ZNF394: variants seen among roughly 807,000 people sequenced by gnomAD.
ZNF394 encodes the protein zinc finger protein 394.
ZNF394 carries 19 observed loss-of-function variants against 21.8 expected under a neutral mutation model. The observed-to-expected ratio is 0.87, with a 90% CI of 0.61 to 1.28. The LOEUF is 1.28. Ranked by LOEUF, ZNF394 falls within the 50% of genes most tolerant of loss-of-function variation. The pLI is 0.00. For missense variants in ZNF394, 683 were observed against 708.6 expected (o/e 0.96, Z 0.41); for synonymous variants, 294 against 273.3 (o/e 1.08, Z -0.75).
downstream of ZNF394, among the ~76,000 whole-genome samples, chr7:99,490,186 GCT>G (rs776628107): frequency 3.6e-4 from 45 of 123,614 alleles, no homozygotes; most frequent in Non-Finnish European, 4.8e-4. Context: ...GGCGAGTCTC[GCT>G]CTGTTTTCCA....
At chr7:99,497,087 C>CGT (rs201206255) in intron 2 of ZNF394, among the ~76,000 whole-genome samples, 5,221 of 94,612 alleles carry the variant, frequency 0.055, 165 homozygotes, top group South Asian at 0.088. Context: ...TACATACATA[C>CGT]GTGTGTGTGT....
At chr7:99,492,090 A>G (rs901405748), downstream of ZNF394, among the ~76,000 whole-genome samples, 6 of 151,710 alleles carry the variant, frequency 4.0e-5, no homozygotes, top group Admixed American at 1.3e-4. Context: ...AAAAAAAAAA[A>G]AAAAGAAATC....
downstream of ZNF394, among the ~76,000 whole-genome samples, chr7:99,491,759 G>GAGCA (rs540866996): frequency 7.9e-5 from 9 of 113,330 alleles, no homozygotes; most frequent in African/African-American, 2.6e-4. Context: ...CTGGGCGACA[G>GAGCA]AGAATCTGTC....
downstream of ZNF394, among the ~76,000 whole-genome samples, chr7:99,492,432 GAGTTCACCAC>G (rs1379469485): frequency 6.6e-6 from 1 of 151,896 alleles, no homozygotes; most frequent in African/African-American, 2.4e-5. Flanking sequence ...CTGAGCTTAG[GAGTTCACCAC>G]CAGCCTAGGC....
intron 1 of ZNF394, among the ~76,000 whole-genome samples, chr7:99,488,074 A>AC (rs1340143542): frequency 1.7e-5 from 2 of 115,956 alleles, no homozygotes; most frequent in African/African-American, 7.6e-5. Flanking sequence ...TCCGTCTCAA[A>AC]AAAAAAAAAA....
At chr7:99,496,728 AT>A (rs1562894393) in intron 2 of ZNF394, among the ~76,000 whole-genome samples, 1 of 150,932 alleles carries the variant, frequency 6.6e-6, no homozygotes, top group Non-Finnish European at 1.5e-5. Flanking sequence ...ATGTATTACT[AT>A]TTTTTTTATT....
Position 99,494,500 on chromosome 7 carries a change from G to A in ZNF394, c.715C>T (p.His239Tyr). ...RPLFSKCGST[H>Y]EDRVEKQSGD... is the part of the protein sequence containing the mutation. ...GACTGCTTTTCCACCCTGTCCTCAT[G>A]GGTACTGCCACACTTAGAAAACAGG... The change falls in exon 3 of 3, where the codon CAT (histidine) becomes TAT (tyrosine). Residue 239 changes from histidine to tyrosine, a missense_variant. Transcript: ENST00000337673. 1 of 1,613,804 alleles carries A rather than the reference G, an allele frequency of 6.2e-7. No homozygotes were observed. The highest frequency in any genetic ancestry group is 8.5e-7 in the Non-Finnish European group (1 of 1,180,036).
rs148228058 is a variant in ZNF394, at chr7:99,493,850, G to A, written c.1365C>T (p.Asn455=). 7 of 1,614,086 alleles carry A rather than the reference G, an allele frequency of 4.3e-6. No homozygotes were observed. Among genetic ancestry groups the A allele is most frequent in the East Asian group, 4.5e-5 (2 of 44,878 alleles). ...TATGTAGTCTCTGATGTCTAAAAAG[G>A]TTGGAAATATGACAGGTTTCCCCGC... The part of the protein sequence containing the change: ...EECGETCHIS[N]LFRHQRLHKG... The change falls in exon 3 of 3, where the codon AAC becomes AAT. Residue 455 remains asparagine, a synonymous_variant. Coordinates refer to ENST00000337673, the MANE Select transcript of ZNF394 (RefSeq NM_032164.4).
At position 99,493,972 on chromosome 7, in the gene ZNF394, T is replaced by C. The variant is rs1800224909; in HGVS notation, c.1243A>G (p.Thr415Ala). 1 of 1,614,242 alleles carries C rather than the reference T, an allele frequency of 6.2e-7. No individual in the cohort carries two copies. Among genetic ancestry groups the C allele is most frequent in the Non-Finnish European group, 8.5e-7 (1 of 1,180,054 alleles). The stretch of plus-strand genomic sequence containing the variant: ...AAGCGCTCCCCACATTTCAGACAGG[T>C]GTACGGCTTCTCGCCTGTGTGTGTC... ...QRTHTGEKPY[T>A]CLKCGERFRQ... Residue 415 changes from threonine (T) to alanine (A), a missense_variant, in exon 3 of 3, where the codon ACC becomes GCC. Thr to Ala is a moderately conservative substitution (Grantham distance 58). Transcript: ENST00000337673.
At chr7:99,498,665 G>C in intron 2 of ZNF394, 51 bp downstream of exon 2, 1 of 1,611,090 alleles carries the variant, frequency 6.2e-7, no homozygotes, top group African/African-American at 1.3e-5. Context: ...TAGTGAACCA[G>C]CCCTTCACAA....
chr7:99,492,009 T>C (rs1428487923), downstream of ZNF394, among the ~76,000 whole-genome samples: 2 of 134,116 alleles, frequency 1.5e-5, no homozygotes, highest in South Asian at 4.7e-4. Flanking sequence ...GGAGGTGGAG[T>C]TTGTAGTGAG....
At chr7:99,499,072 G>T (rs577336463) in intron 1 of ZNF394, among the ~76,000 whole-genome samples, 5 of 152,148 alleles carry the variant, frequency 3.3e-5, no homozygotes, top group African/African-American at 1.2e-4. Context: ...ATGGAAATAT[G>T]ATACAGATTA....
chr7:99,499,394 A>G (rs1276225535), intron 1 of ZNF394, among the ~76,000 whole-genome samples: 1 of 149,874 alleles, frequency 6.7e-6, no homozygotes, highest in Non-Finnish European at 1.5e-5. Flanking sequence ...AGCAAGAACA[A>G]CAAGAAAAAA....
chr7:99,494,178 A>G lies in ZNF394; in HGVS notation c.1037T>C (p.Phe346Ser). The change falls in exon 3 of 3, where the codon TTT becomes TCT. Residue 346 changes from phenylalanine (F) to serine (S), a missense_variant. By Grantham distance (155) the Phe-to-Ser change is radical. Coordinates refer to ENST00000337673, the MANE Select transcript of ZNF394 (RefSeq NM_032164.4). ...TTCATGGAGCTGCCTCTGGGTCTCA[A>G]AAAGGCTGGAATGATGGAAACTGTC... ...SGDSFHHSSL[F>S]ETQRQLHEER... The G allele has an allele frequency of 1.9e-6, 3 of 1,614,250 alleles. No homozygotes were observed. Among genetic ancestry groups the G allele is most frequent in the Middle Eastern group, 1.6e-4 (1 of 6,062 alleles).
chr7:99,489,865 C>T (rs1312447953), downstream of ZNF394, among the ~76,000 whole-genome samples: 10 of 152,078 alleles, frequency 6.6e-5, no homozygotes, highest in South Asian at 2.1e-4. Context: ...ATTTGCCGGG[C>T]GTGGTGGTGG....
At chr7:99,490,905 T>C (rs1800148085), downstream of ZNF394, among the ~76,000 whole-genome samples, 1 of 151,930 alleles carries the variant, frequency 6.6e-6, no homozygotes, top group Non-Finnish European at 1.5e-5. Context: ...CACTCTTCAG[T>C]TTCCAAACAG....
rs1051165037 is a variant in ZNF394, at chr7:99,500,101, C to T, written c.-8G>A. 1.1e-5 allele frequency: 17 copies of T among 1,535,474 alleles called. No individual in the cohort carries two copies. Among genetic ancestry groups the T allele is most frequent in the Middle Eastern group, 1.7e-4 (1 of 5,728 alleles). ...GGTCAAGCTGGAATTCATCTTTCTCCGGCATGTGCTGCCCTTCCTGGAGTC... is the reference window on the plus strand; with the variant it reads ...GGTCAAGCTGGAATTCATCTTTCTCTGGCATGTGCTGCCCTTCCTGGAGTC... On this transcript the variant is annotated 5_prime_UTR_variant, in exon 1 of 3. Coordinates refer to ENST00000337673, the MANE Select transcript of ZNF394 (RefSeq NM_032164.4).
chr7:99,487,847 C>T (rs1292860714), intron 1 of ZNF394, among the ~76,000 whole-genome samples: 3 of 151,004 alleles, frequency 2.0e-5, no homozygotes, highest in Non-Finnish European at 4.4e-5. Flanking sequence ...CCGAGGTGGG[C>T]GGATCACGAG....
At position 99,493,889 on chromosome 7, in the gene ZNF394, A is replaced by T; in HGVS notation, c.1326T>A (p.Phe442Leu). 6.2e-7 allele frequency: 1 copy of T among 1,614,230 alleles called. No individual in the cohort carries two copies. The highest frequency in any genetic ancestry group is 1.1e-5 in the South Asian group (1 of 91,090). Residue 442 changes from phenylalanine to leucine, a missense_variant, in exon 3 of 3, where the codon TTT becomes TTA. Phe to Leu is a conservative substitution (Grantham distance 22, BLOSUM62 0). This residue lies in a region of ZNF394 where 274 missense variants were observed against 314.1 expected (regional missense o/e 0.87). Coordinates refer to ENST00000337673, the MANE Select transcript of ZNF394 (RefSeq NM_032164.4). ...AGGTTTCCCCGCATTCCTCACATTT[A>T]AAATGTTTGTCTCTACTGTGGGTAC... ...HQSTHSRDKH[F>L]KCEECGETCH...
Sources: allele counts gnomAD v4.1 joint callset (sites outside exome capture counted in the v4.1 genomes callset), GRCh38; gene constraint gnomAD v4.1.1; regional missense constraint gnomAD v4.1.1; transcripts MANE v1.5; gene names NCBI Gene and HGNC (gene_info 2026-07-23, HGNC 2026-07-21).